CD177: variants seen among roughly 807,000 people sequenced by gnomAD.
CD177 encodes CD177 antigen.
Under a neutral mutation model 38.1 loss-of-function variants are expected in CD177, and 41 were observed. That is an observed-to-expected ratio of 1.07 (90% CI 0.84 to 1.39). CD177 has a LOEUF of 1.39. CD177 is among the 40% of genes most tolerant of loss of function. The pLI is 0.00. For missense variants in CD177, 619 were observed against 523.8 expected (o/e 1.18, Z -1.77); for synonymous variants, 236 against 216.7 (o/e 1.09, Z -0.78).
At chr19:43,360,122 TC>T in intron 5 of CD177, 142 bp from the exon 6 acceptor site, 1 of 992,524 alleles carries the variant, frequency 1.0e-6, no homozygotes, top group Non-Finnish European at 1.5e-6. Flanking sequence ...CCAAGTCCCT[TC>T]TGAATCCTTG....
At chr19:43,360,236 T>G in intron 5 of CD177, 29 bp from the exon 6 acceptor site, 1 of 1,610,152 alleles carries the variant, frequency 6.2e-7, no homozygotes, top group Non-Finnish European at 8.5e-7. Context: ...GTTCCTGGCT[T>G]ACACACACCC....
At position 43,353,902 on chromosome 19, in the gene CD177, G is replaced by A. The variant is rs1188280808; in HGVS notation, c.102G>A (p.Lys34=). 1 of 1,613,898 alleles carries A rather than the reference G, an allele frequency of 6.2e-7. No individual in the cohort carries two copies. The highest frequency in any genetic ancestry group is 1.7e-5 in the Admixed American group (1 of 60,016). The part of the protein sequence containing the change: ...CQFGTVQHVW[K]VSDLPRQWTP... ...TTGGGACAGTTCAGCATGTGTGGAAGGTGTCCGACCTGCCCCGGCAATGGA... is the reference window on the plus strand; with the variant it reads ...TTGGGACAGTTCAGCATGTGTGGAAAGTGTCCGACCTGCCCCGGCAATGGA... The change falls in exon 2 of 9, where the codon AAG becomes AAA. Residue 34 remains lysine, a synonymous_variant. Coordinates refer to ENST00000618265, the MANE Select transcript of CD177 (RefSeq NM_020406.4).
Position 43,362,689 on chromosome 19 carries a change from G to C in CD177, c.*369G>C, listed in dbSNP as rs1011993402. 6.1e-6 allele frequency: 1 copy of C among 163,800 alleles called. No homozygotes were observed. The highest frequency in any genetic ancestry group is 2.4e-5 in the African/African-American group (1 of 41,890). 10.1% of individuals were successfully genotyped at this position (163,800 alleles called of 1,614,324 possible). A position where few individuals can be genotyped will look rare whatever the true frequency, so the allele number is the denominator to read the frequency against. On this transcript the variant is annotated 3_prime_UTR_variant, in exon 9 of 9. Coordinates refer to ENST00000618265, the MANE Select transcript of CD177 (RefSeq NM_020406.4). ...GACCATCTAAAGCCTGCCCTTCATT[G>C]GTCTGGTTCACGTCTCCAAACCAGC...
At chr19:43,360,237 A>G in intron 5 of CD177, 28 bp from the exon 6 acceptor site, 1 of 1,610,376 alleles carries the variant, frequency 6.2e-7, no homozygotes, top group Non-Finnish European at 8.5e-7. Flanking sequence ...TTCCTGGCTT[A>G]CACACACCCT....
At position 43,359,836 on chromosome 19, in the gene CD177, C is replaced by T. The variant is rs562783373; in HGVS notation, c.620-429C>T. ...AGCCAGGTGCAGAGGCAGTGCTCAG[C>T]GGCAGTGCTCAGCCCACCCTGGCCC... On this transcript the variant is annotated intron_variant, in intron 5 of 8. Transcript: ENST00000618265. 6.5e-4 allele frequency among the ~76,000 whole-genome samples: 80 copies of T among 122,534 alleles called. No individual in the cohort carries two copies. In the South Asian group the frequency reaches 6.7e-3, roughly 10 times the overall value. The allele number at this position is 122,534 out of a possible 152,430, so 80.4% of individuals were successfully genotyped here.
At chr19:43,354,581 C>G (rs1969896445) in intron 3 of CD177, 189 bp downstream of exon 3, 2 of 630,392 alleles carry the variant, frequency 3.2e-6, no homozygotes, top group Non-Finnish European at 5.6e-6. Context: ...CCACTCACTC[C>G]CGATCCCTCC....
In CD177 at chr19:43,362,345, C is replaced by A. The variant is rs377411897; in HGVS notation, c.*25C>A. ...ACTCTATTACCCCCACGATTCTTCA[C>A]CGCTGCTGACCACCCACACTCAACC... On this transcript the variant is annotated 3_prime_UTR_variant, in exon 9 of 9. Transcript: ENST00000618265. The A allele has an allele frequency of 4.6e-6, 5 of 1,082,824 alleles. No homozygotes were observed. In the African/African-American group the frequency reaches 7.7e-5, roughly 17 times the overall value. 67.1% of individuals were successfully genotyped at this position (1,082,824 alleles called of 1,614,324 possible).
intron 3 of CD177, among the ~76,000 whole-genome samples, chr19:43,354,941 G>C (rs1969901737): frequency 6.6e-6 from 1 of 151,406 alleles, no homozygotes; most frequent in East Asian, 2.0e-4. Flanking sequence ...TCATTCCCTT[G>C]ACCAATGAGT....
rs534891007 is a variant in CD177, at chr19:43,361,300, C to T, written c.918C>T (p.Ser306=). Residue 306 remains serine, a synonymous_variant, in exon 7 of 9, where the codon AGC becomes AGT. Transcript: ENST00000618265. ...SDLCNSASSS[S]VLLNSLPPQA... ...TGTGCAATAGTGCCAGCAGCAGCAG[C>T]GTTCTGCTGAACTCCCTCCCTCCTC... 15 of 1,545,978 alleles carry T rather than the reference C, an allele frequency of 9.7e-6. No homozygotes were observed. The highest frequency in any genetic ancestry group is 8.0e-5 in the South Asian group (7 of 87,184).
Position 43,362,356 on chromosome 19 carries a change from C to A in CD177, c.*36C>A. The A allele has an allele frequency of 1.0e-6, 1 of 955,502 alleles. No individual in the cohort carries two copies. Among genetic ancestry groups the A allele is most frequent in the Non-Finnish European group, 1.6e-6 (1 of 631,988 alleles). The allele number at this position is 955,502 out of a possible 1,614,324, so 59.2% of individuals were successfully genotyped here. A position where few individuals can be genotyped will look rare whatever the true frequency, so the allele number is the denominator to read the frequency against. The stretch of plus-strand genomic sequence containing the variant: ...CCCACGATTCTTCACCGCTGCTGAC[C>A]ACCCACACTCAACCTCCCTCTGACC... On this transcript the variant is annotated 3_prime_UTR_variant, in exon 9 of 9. Coordinates refer to ENST00000618265, the MANE Select transcript of CD177 (RefSeq NM_020406.4).
At position 43,360,312 on chromosome 19, in the gene CD177, T is replaced by A; in HGVS notation, c.667T>A (p.Leu223Met). The A allele has an allele frequency of 6.2e-7, 1 of 1,613,158 alleles. No individual in the cohort carries two copies. Among genetic ancestry groups the A allele is most frequent in the Non-Finnish European group, 8.5e-7 (1 of 1,179,620 alleles). ...RGTTIMTHGN[L>M]AQEPTDWTTS... is the part of the protein sequence containing the mutation. ...GACCACCATTATGACACACGGAAACTTGGCTCAAGAACCCACTGATTGGAC... is the reference window on the plus strand; with the variant it reads ...GACCACCATTATGACACACGGAAACATGGCTCAAGAACCCACTGATTGGAC... The change falls in exon 6 of 9, where the codon TTG becomes ATG. Residue 223 changes from leucine (L) to methionine (M), a missense_variant. By Grantham distance (15) the Leu-to-Met change is conservative (BLOSUM62 2). Transcript: ENST00000618265.
rs1358633810 is a variant in CD177 at position 43,362,261 on chromosome 19, G to T, written c.1255G>T (p.Gly419Trp). 3 of 1,608,922 alleles carry T rather than the reference G, an allele frequency of 1.9e-6. No individual in the cohort carries two copies. Among genetic ancestry groups the T allele is most frequent in the Middle Eastern group, 1.7e-4 (1 of 6,050 alleles). Reference protein sequence around the residue: ...GAEGLESLTWGVGLALAPALW... With the variant: ...GAEGLESLTWWVGLALAPALW... ...TGAGGGCCTGGAGTCTCTCACTTGGGGGGTGGGGCTGGCACTGGCCCCAGC... is the reference window on the plus strand; with the variant it reads ...TGAGGGCCTGGAGTCTCTCACTTGGTGGGTGGGGCTGGCACTGGCCCCAGC... Residue 419 changes from glycine (G) to tryptophan (W), a missense_variant, in exon 9 of 9, where the codon GGG (glycine) becomes TGG (tryptophan). Transcript: ENST00000618265.
At position 43,362,260 on chromosome 19, in the gene CD177, G is replaced by T. The variant is rs188387562; in HGVS notation, c.1254G>T (p.Trp418Cys). 2.5e-6 allele frequency: 4 copies of T among 1,609,200 alleles called. No individual in the cohort carries two copies. Among genetic ancestry groups the T allele is most frequent in the South Asian group, 1.1e-5 (1 of 90,948 alleles). The change falls in exon 9 of 9, where the codon TGG (tryptophan) becomes TGT (cysteine). Residue 418 changes from tryptophan (W) to cysteine (C), a missense_variant. Trp to Cys is a radical substitution (Grantham distance 215, BLOSUM62 -2). Transcript: ENST00000618265. ...CTGAGGGCCTGGAGTCTCTCACTTG[G>T]GGGGTGGGGCTGGCACTGGCCCCAG... Reference protein sequence around the residue: ...GGAEGLESLTWGVGLALAPAL... With the variant: ...GGAEGLESLTCGVGLALAPAL...
At chr19:43,364,061 G>A (rs922638047), downstream of CD177, among the ~76,000 whole-genome samples, 12 of 152,138 alleles carry the variant, frequency 7.9e-5, no homozygotes, top group African/African-American at 1.4e-4. Flanking sequence ...CAGCCTGGGC[G>A]ACAGAGCAAG....
At chr19:43,365,691 C>G (rs903828206), downstream of CD177, among the ~76,000 whole-genome samples, 2 of 145,224 alleles carry the variant, frequency 1.4e-5, no homozygotes, top group African/African-American at 5.2e-5. Context: ...ACTAAGGCAG[C>G]CGCCGTCCAC....
At chr19:43,355,116 TTTTTTTTTTTTTTC>T (rs1254310600) in intron 3 of CD177, among the ~76,000 whole-genome samples, 1 of 110,088 alleles carries the variant, frequency 9.1e-6, no homozygotes, top group East Asian at 2.5e-4. Context: ...TTTTTTTTTT[TTTTTTTTTTTTTTC>T]TGAGAAAGCG....
rs114388023 is a variant in CD177, at chr19:43,362,504, G to C, written c.*184G>C. 4.0e-6 allele frequency: 2 copies of C among 503,926 alleles called. No homozygotes were observed. The highest frequency in any genetic ancestry group is 1.9e-5 in the African/African-American group (1 of 51,758). The allele number at this position is 503,926 out of a possible 1,614,324, so 31.2% of individuals were successfully genotyped here. ...ACACTGGGGAGAGCCTGGAGCATCC[G>C]GACTTGCCCTATGGGAGAGGGGACG... On this transcript the variant is annotated 3_prime_UTR_variant, in exon 9 of 9. Coordinates refer to ENST00000618265, the MANE Select transcript of CD177 (RefSeq NM_020406.4).
Position 43,363,003 on chromosome 19 carries a change from A to T in CD177, c.*683A>T, listed in dbSNP as rs1452661925. 3 of 152,236 alleles carry T rather than the reference A, an allele frequency of 2.0e-5. No individual in the cohort carries two copies. The highest frequency in any genetic ancestry group is 4.4e-5 in the Non-Finnish European group (3 of 68,050). The allele number at this position is 152,236 out of a possible 1,614,324, so 9.4% of individuals were successfully genotyped here. A position where few individuals can be genotyped will look rare whatever the true frequency, so the allele number is the denominator to read the frequency against. ...CAACCCAGATGGTACAGCCCAATAC[A>T]CACCCAGGATGGACGCTAGAGTCGA... On this transcript the variant is annotated 3_prime_UTR_variant, in exon 9 of 9. Transcript: ENST00000618265.
In CD177 at chr19:43,353,767, G is replaced by A. The variant is rs1216938258; in HGVS notation, c.52+1G>A. ...CTGGGGTTCATCCTCCCACTGCCAG[G>A]TGAGTGATGAGCCCAGCCTGGAGGA... On this transcript the variant is annotated splice_donor_variant, in intron 1 of 8. Coordinates refer to ENST00000618265, the MANE Select transcript of CD177 (RefSeq NM_020406.4). LOFTEE classifies it high-confidence loss of function. 3 of 1,613,834 alleles carry A rather than the reference G, an allele frequency of 1.9e-6. No homozygotes were observed. In the African/African-American group the frequency reaches 4.0e-5, roughly 22 times the overall value.
Sources: gnomAD v4.1 joint callset for allele counts (sites outside exome capture counted in the v4.1 genomes callset) on GRCh38, gnomAD v4.1.1 for gene constraint, MANE v1.5 for transcripts, NCBI Gene and HGNC (gene_info 2026-07-23, HGNC 2026-07-21) for gene names.